The following ARFGAP1 variants were observed in gnomAD, a reference collection of about 807,000 sequenced individuals.
ARFGAP1 encodes ARF GTPase activating protein 1, also known as ADP-ribosylation factor GTPase-activating protein 1.
ARFGAP1 carries 26 observed loss-of-function variants against 54.0 expected under a neutral mutation model. The observed-to-expected ratio is 0.48, with a 90% CI of 0.35 to 0.67. ARFGAP1 has a LOEUF of 0.67. Ranked by LOEUF, ARFGAP1 falls within the 30% of genes least tolerant of loss-of-function variation. The pLI, the probability that ARFGAP1 is intolerant of heterozygous loss-of-function variation, is 0.00. For synonymous variants in ARFGAP1, 248 were observed against 211.9 expected (o/e 1.17, Z -1.48); for missense variants, 525 against 535.8 (o/e 0.98, Z 0.20).
chr20:63,276,073 C>T lies in ARFGAP1; in HGVS notation c.61-18C>T. On this transcript the variant is annotated intron_variant, in intron 2 of 12. Coordinates refer to ENST00000370283, the MANE Select transcript of ARFGAP1 (RefSeq NM_018209.4). This position sits in a 1 kb window ranked among gnomAD's most constrained non-coding sequence, Gnocchi z 5.2. ...CTGCCCTGAGCCACCTGGTGAGTCA[C>T]TTGTGGCCCCTTTGCAGGTTTGTTT... 1 of 1,612,460 alleles carries T rather than the reference C, an allele frequency of 6.2e-7. No individual in the cohort carries two copies. The highest frequency in any genetic ancestry group is 8.5e-7 in the Non-Finnish European group (1 of 1,178,788).
chr20:63,279,272 C>T (rs1169461421), intron 7 of ARFGAP1: 1 of 527,006 alleles, frequency 1.9e-6, no homozygotes, highest in Non-Finnish European at 3.6e-6. Flanking sequence ...GTGGTGCGAC[C>T]TCAGCTCACT....
In ARFGAP1 at chr20:63,275,700, A is replaced by T. The variant is rs1041798574; in HGVS notation, c.60+60A>T. The T allele has an allele frequency of 7.2e-6, 11 of 1,535,806 alleles. No individual in the cohort carries two copies. The African/African-American group carries it at 1.2e-4, about 17-fold the overall frequency. Reference sequence around the variant, plus strand: ...TTGGTCAGGGTCAGTGAGTTCCGGGAAGTTGTACTCTGAGCCTGTAGTTCT... The same window carrying T: ...TTGGTCAGGGTCAGTGAGTTCCGGGTAGTTGTACTCTGAGCCTGTAGTTCT... On this transcript the variant is annotated intron_variant, in intron 2 of 12. Transcript: ENST00000370283.
chr20:63,285,072 TC>T, intron 10 of ARFGAP1, 150 bp downstream of exon 10: 1 of 976,776 alleles, frequency 1.0e-6, no homozygotes, highest in Non-Finnish European at 1.5e-6. Context: ...GGCGTCCTCC[TC>T]GGGGCCTGGG....
chr20:63,285,757 C>A, intron 11 of ARFGAP1, 44 bp downstream of exon 11: 1 of 1,601,272 alleles, frequency 6.2e-7, no homozygotes, highest in South Asian at 1.1e-5. Flanking sequence ...AAGCCAGTCT[C>A]CATATTCCAC....
In ARFGAP1 at chr20:63,280,653, T is replaced by C. The variant is rs1382641020; in HGVS notation, c.628-638T>C. Among the ~76,000 whole-genome samples, 6 of 152,334 alleles carry C rather than the reference T, an allele frequency of 3.9e-5. No individual in the cohort carries two copies. In the East Asian group the frequency reaches 1.2e-3, roughly 29 times the overall value. The stretch of plus-strand genomic sequence containing the variant: ...GCTCTTGCAGTCATTGCTACATCTT[T>C]AGGGAAGAAAAGCGCATTTTTCCAG... On this transcript the variant is annotated intron_variant, in intron 7 of 12. Coordinates refer to ENST00000370283, the MANE Select transcript of ARFGAP1 (RefSeq NM_018209.4).
In ARFGAP1 at chr20:63,281,348, G is replaced by A. The variant is rs762837725; in HGVS notation, c.684+1G>A. ...GTTTGCCTCGGCAGCCAAGGAGGGC[G>A]TAAGTCACTGCCCCTGCCATGCCAC... On this transcript the variant is annotated splice_donor_variant, in intron 8 of 12. Coordinates refer to ENST00000370283, the MANE Select transcript of ARFGAP1 (RefSeq NM_018209.4). LOFTEE classifies it high-confidence loss of function. The A allele has an allele frequency of 1.2e-5, 19 of 1,593,512 alleles. No individual in the cohort carries two copies. Among genetic ancestry groups the A allele is most frequent in the South Asian group, 2.2e-5 (2 of 89,466 alleles).
chr20:63,283,532 A>ATCCG (rs2067441148), intron 9 of ARFGAP1: 2 of 387,832 alleles, frequency 5.2e-6, no homozygotes, highest in East Asian at 9.1e-5. Context: ...CGAGGTGCCC[A>ATCCG]TCCGTCACCC....
At chr20:63,277,775 C>A (rs549284278) in intron 5 of ARFGAP1, among the ~76,000 whole-genome samples, 1 of 152,358 alleles carries the variant, frequency 6.6e-6, no homozygotes, top group Admixed American at 6.5e-5. Context: ...CCTGCCACAT[C>A]CACGTGCTTC....
chr20:63,286,793 G>A (rs377102087), intron 12 of ARFGAP1: 5 of 267,620 alleles, frequency 1.9e-5, no homozygotes, highest in Non-Finnish European at 2.9e-5. Context: ...ATGCCCCCAC[G>A]TAGGAGGAGC....
At position 63,282,868 on chromosome 20, in the gene ARFGAP1, T is replaced by C. The variant is rs771962213; in HGVS notation, c.717+17T>C. 2.5e-6 allele frequency: 4 copies of C among 1,613,954 alleles called. No homozygotes were observed. The highest frequency in any genetic ancestry group is 2.5e-6 in the Non-Finnish European group (3 of 1,179,948). On this transcript the variant is annotated intron_variant, in intron 9 of 12. Coordinates refer to ENST00000370283, the MANE Select transcript of ARFGAP1 (RefSeq NM_018209.4). ...AGTCAGAAGGTAACAGAGGAGAAGC[T>C]TCTGCACCCTGGTGCATCTGAAACT... is the stretch of plus-strand genomic sequence containing the variant.
At position 63,275,664 on chromosome 20, in the gene ARFGAP1, C is replaced by T. The variant is rs200007336; in HGVS notation, c.60+24C>T. 1.9e-4 allele frequency: 309 copies of T among 1,608,950 alleles called. No homozygotes were observed. In the East Asian group the frequency reaches 2.7e-3, roughly 14 times the overall value. On this transcript the variant is annotated intron_variant, in intron 2 of 12. Coordinates refer to ENST00000370283, the MANE Select transcript of ARFGAP1 (RefSeq NM_018209.4). ...ACGTAAGCCTCTGCCCCCCACCCCC[C>T]GCCCTAAGGCTTGGTCAGGGTCAGT...
At position 63,276,405 on chromosome 20, in the gene ARFGAP1, C is replaced by G. The variant is rs1165609894; in HGVS notation, c.171-75C>G. 76 of 1,546,874 alleles carry G rather than the reference C, an allele frequency of 4.9e-5. No homozygotes were observed. Among genetic ancestry groups the G allele is most frequent in the Non-Finnish European group, 8.8e-7 (1 of 1,139,552 alleles). ...GCTGCTGCTTGCTGTGTCTAATTCT[C>G]AGGACGATGCTGGGTGGAGGGTGTC... On this transcript the variant is annotated intron_variant, in intron 3 of 12. Transcript: ENST00000370283. This position sits in a 1 kb window ranked among gnomAD's most constrained non-coding sequence, Gnocchi z 5.2.
intron 11 of ARFGAP1, 156 bp from the exon 12 acceptor site, chr20:63,286,190 GCTGCAGAGTGGCCGGGGCGT>G: frequency 6.5e-7 from 1 of 1,549,300 alleles, no homozygotes. Flanking sequence ...ACCTGGCACC[GCTGCAGAGTGGCCGGGGCGT>G]CTGTGTCTGT....
rs1281587901 is a variant in ARFGAP1, at chr20:63,288,401, C to T, written c.*528C>T. 6.6e-6 allele frequency: 3 copies of T among 456,242 alleles called. No homozygotes were observed. The highest frequency in any genetic ancestry group is 1.3e-5 in the Non-Finnish European group (3 of 226,886). 28.3% of individuals were successfully genotyped at this position (456,242 alleles called of 1,614,324 possible). On this transcript the variant is annotated 3_prime_UTR_variant, in exon 13 of 13. Coordinates refer to ENST00000370283, the MANE Select transcript of ARFGAP1 (RefSeq NM_018209.4). ...CACGCTGCCATCCGACCACCCTCGG[C>T]TCCCGAGTCCACGCCTGCCTGGGCC...
intron 12 of ARFGAP1, chr20:63,286,803 C>T (rs2067566217): frequency 7.6e-6 from 2 of 261,770 alleles, no homozygotes; most frequent in African/African-American, 4.5e-5. Context: ...GTAGGAGGAG[C>T]TGGCGCTGCT....
In ARFGAP1 at chr20:63,276,267, A is replaced by G. The variant is rs927132; in HGVS notation, c.170+67A>G. ...CACCCCAGCATCTGTTCCTGACACC[A>G]GAGGTGCTGACGCCAGGGAAGCTTG... is the stretch of plus-strand genomic sequence containing the variant. On this transcript the variant is annotated intron_variant, in intron 3 of 12. Transcript: ENST00000370283. This position sits in a 1 kb window ranked among gnomAD's most constrained non-coding sequence, Gnocchi z 5.2. The G allele has an allele frequency of 0.069, 107,807 of 1,563,052 alleles. 4,132 individuals carry two copies. The highest frequency in any genetic ancestry group is 0.085 in the Middle Eastern group (495 of 5,846).
intron 6 of ARFGAP1, chr20:63,278,519 T>C (rs1019619014): frequency 2.0e-5 from 9 of 457,930 alleles, no homozygotes; most frequent in African/African-American, 1.6e-4. Flanking sequence ...CAGGTGTGAA[T>C]TGGGGGTCTT....
At chr20:63,274,270 T>G (rs2067174668) in intron 1 of ARFGAP1, 1 of 119,996 alleles carries the variant, frequency 8.3e-6, no homozygotes. Context: ...CTAGGAGTCA[T>G]GGGCTTCAGA....
chr20:63,286,534 C>G, intron 12 of ARFGAP1, 92 bp downstream of exon 12: 1 of 1,318,694 alleles, frequency 7.6e-7, no homozygotes, highest in Non-Finnish European at 1.1e-6. Flanking sequence ...GGCATCCTTG[C>G]TGGGGAGGGA....
Sources: allele counts gnomAD v4.1 joint callset (sites outside exome capture counted in the v4.1 genomes callset), GRCh38; gene constraint gnomAD v4.1.1; non-coding constraint Gnocchi (gnomAD v3.1); transcripts MANE v1.5; gene names NCBI Gene and HGNC (gene_info 2026-07-23, HGNC 2026-07-21).